Variants in RFTN1 observed in about 807,000 individuals in gnomAD.
RFTN1 encodes raftlin, lipid raft linker 1, also known as raftlin.
A neutral mutation model predicts 46.5 loss-of-function variants in RFTN1; 26 were observed. That is an observed-to-expected ratio of 0.56 (90% CI 0.41 to 0.78). The LOEUF (loss-of-function observed/expected upper bound fraction) is 0.78. Among genes scored for constraint, RFTN1 ranks in the 30% least tolerant of loss-of-function variants. RFTN1 has a pLI of 0.00. For missense variants in RFTN1, 693 were observed against 718.7 expected, an observed-to-expected ratio of 0.96 and a Z score of 0.41; for synonymous variants, 261 against 284.2, an observed-to-expected ratio of 0.92 and a Z score of 0.82.
intron 7 of RFTN1, among the ~76,000 whole-genome samples, chr3:16,354,275 G>T (rs1408409891): frequency 1.3e-5 from 2 of 152,206 alleles, no homozygotes; most frequent in South Asian, 2.1e-4. Context: ...TGCAGGAGGT[G>T]ACCTAAGAGC....
chr3:16,331,153 G>C (rs2070269004), intron 7 of RFTN1, among the ~76,000 whole-genome samples: 1 of 152,202 alleles, frequency 6.6e-6, no homozygotes. Flanking sequence ...ACAGGACTGA[G>C]ACCTTGCCTT....
At position 16,345,821 on chromosome 3, in the gene RFTN1, C is replaced by CCAAAACCTTATAATAAATCTCT. The variant is rs2071654037; in HGVS notation, c.1146+12110_1146+12111insAGAGATTTATTATAAGGTTTTG. ...GTGTGTGTGTGTGTGTGTGTGTGCG[C>CCAAAACCTTATAATAAATCTCT]GCGCGCGTGCGCGCACGCGCACATG... On this transcript the variant is annotated intron_variant, in intron 7 of 9. Coordinates refer to ENST00000334133, the MANE Select transcript of RFTN1 (RefSeq NM_015150.2). This position sits in a 1 kb window ranked among gnomAD's most constrained non-coding sequence, Gnocchi z 5.2. Among the ~76,000 whole-genome samples the CCAAAACCTTATAATAAATCTCT allele has an allele frequency of 1.2e-5, 1 of 86,072 alleles. No individual in the cohort carries two copies. The highest frequency in any genetic ancestry group is 2.5e-5 in the Non-Finnish European group (1 of 40,304). The allele number at this position is 86,072 out of a possible 152,430, so 56.5% of individuals were successfully genotyped here. A position where few individuals can be genotyped will look rare whatever the true frequency, so the allele number is the denominator to read the frequency against.
At position 16,327,543 on chromosome 3, in the gene RFTN1, T is replaced by C. The variant is rs2069831690; in HGVS notation, c.1147-667A>G. On this transcript the variant is annotated intron_variant, in intron 7 of 9. Transcript: ENST00000334133. This position sits in a 1 kb window ranked among gnomAD's most constrained non-coding sequence, Gnocchi z 4.2. ...GGGAGGCTGAGGCAGGTGGATCACA[T>C]GGTCAGGAGATCAAGACCATCCTGG... Among the ~76,000 whole-genome samples, 1 of 151,976 alleles carries C rather than the reference T, an allele frequency of 6.6e-6. No homozygotes were observed. Among genetic ancestry groups the C allele is most frequent in the Admixed American group, 6.5e-5 (1 of 15,268 alleles).
In RFTN1 at chr3:16,316,710, A is replaced by C; in HGVS notation, c.*118T>G. ...TCAGGTGAGCTCACAAGGAGAGGTC[A>C]AGCCAAGCCAAAGGGTAGGTAACAC... On this transcript the variant is annotated 3_prime_UTR_variant, in exon 10 of 10. Coordinates refer to ENST00000334133, the MANE Select transcript of RFTN1 (RefSeq NM_015150.2). This position sits in a 1 kb window ranked among gnomAD's most constrained non-coding sequence, Gnocchi z 4.5. 7.8e-7 allele frequency: 1 copy of C among 1,278,654 alleles called. No homozygotes were observed. Among genetic ancestry groups the C allele is most frequent in the Non-Finnish European group, 1.1e-6 (1 of 894,418 alleles). The allele number at this position is 1,278,654 out of a possible 1,614,324, so 79.2% of individuals were successfully genotyped here. A position where few individuals can be genotyped will look rare whatever the true frequency, so the allele number is the denominator to read the frequency against.
chr3:16,330,025 T>C (rs1235743976), intron 7 of RFTN1, among the ~76,000 whole-genome samples: 1 of 152,162 alleles, frequency 6.6e-6, no homozygotes, highest in East Asian at 1.9e-4. Flanking sequence ...GTCACTCTCT[T>C]AAAGAAAAAA....
chr3:16,468,413 G>T lies in RFTN1; in HGVS notation c.145+25312C>A, dbSNP rs1162368273. ...GACTGTCAAAAATGTCCCCACCCTG[G>T]GATCAGGCATCAGATCCTAACAACA... On this transcript the variant is annotated intron_variant, in intron 2 of 9. Coordinates refer to ENST00000334133, the MANE Select transcript of RFTN1 (RefSeq NM_015150.2). The surrounding 1 kb of genome is among the most constrained non-coding windows in gnomAD (Gnocchi z 4.4). 1.3e-5 allele frequency among the ~76,000 whole-genome samples: 2 copies of T among 152,086 alleles called. No individual in the cohort carries two copies. Among genetic ancestry groups the T allele is most frequent in the Non-Finnish European group, 2.9e-5 (2 of 68,022 alleles).
chr3:16,437,240 C>T (rs1311107469), intron 2 of RFTN1, among the ~76,000 whole-genome samples: 2 of 152,146 alleles, frequency 1.3e-5, no homozygotes, highest in South Asian at 4.1e-4. Context: ...GGGAAACAGG[C>T]ATGGCCCTCA....
At position 16,334,029 on chromosome 3, in the gene RFTN1, G is replaced by A. The variant is rs1196489092; in HGVS notation, c.1147-7153C>T. ...AAATTTAAAAAATTAGCCGGGCATG[G>A]TGGCGGGTGCCTGTAGTCCCAGCTA... is the stretch of plus-strand genomic sequence containing the variant. On this transcript the variant is annotated intron_variant, in intron 7 of 9. Transcript: ENST00000334133. This position sits in a 1 kb window ranked among gnomAD's most constrained non-coding sequence, Gnocchi z 4.3. 1.3e-5 allele frequency among the ~76,000 whole-genome samples: 2 copies of A among 152,172 alleles called. No homozygotes were observed. Among genetic ancestry groups the A allele is most frequent in the African/African-American group, 4.8e-5 (2 of 41,444 alleles).
In RFTN1 at chr3:16,342,211, C is replaced by T. The variant is rs1300514406; in HGVS notation, c.1147-15335G>A. ...AGCAGTCACTCCCCTTTCCCCCCACCCACCCCGAGGCAACCACGAGTCCAC... is the reference window on the plus strand; with the variant it reads ...AGCAGTCACTCCCCTTTCCCCCCACTCACCCCGAGGCAACCACGAGTCCAC... On this transcript the variant is annotated intron_variant, in intron 7 of 9. Transcript: ENST00000334133. The surrounding 1 kb of genome is among the most constrained non-coding windows in gnomAD (Gnocchi z 4.0). Among the ~76,000 whole-genome samples, 1 of 152,112 alleles carries T rather than the reference C, an allele frequency of 6.6e-6. No homozygotes were observed. The highest frequency in any genetic ancestry group is 1.5e-5 in the Non-Finnish European group (1 of 68,030).
chr3:16,359,589 T>G (rs1342762886), intron 6 of RFTN1, among the ~76,000 whole-genome samples: 1 of 152,152 alleles, frequency 6.6e-6, no homozygotes, highest in Non-Finnish European at 1.5e-5. Context: ...AAGGTGGCTG[T>G]CTGCAAGCCA....
In RFTN1 at chr3:16,425,135, A is replaced by G. The variant is rs1230287123; in HGVS notation, c.332+8716T>C. Among the ~76,000 whole-genome samples the G allele has an allele frequency of 6.6e-6, 1 of 152,228 alleles. No homozygotes were observed. The highest frequency in any genetic ancestry group is 1.5e-5 in the Non-Finnish European group (1 of 68,038). On this transcript the variant is annotated intron_variant, in intron 3 of 9. Transcript: ENST00000334133. This position sits in a 1 kb window ranked among gnomAD's most constrained non-coding sequence, Gnocchi z 4.3. ...CAACGCTTTAGTAAAATTATTTGCA[A>G]CTAAATTACCTACACTTATGCATAC...
Position 16,320,561 on chromosome 3 carries a change from T to A in RFTN1, c.1332+2815A>T, listed in dbSNP as rs541179260. On this transcript the variant is annotated intron_variant, in intron 9 of 9. Coordinates refer to ENST00000334133, the MANE Select transcript of RFTN1 (RefSeq NM_015150.2). This position sits in a 1 kb window ranked among gnomAD's most constrained non-coding sequence, Gnocchi z 4.5. ...CTGCCTGGGAAGGATAAAATAATGA[T>A]CACAAATAACTAAAAGCCCAAAGGA... 1.6e-4 allele frequency among the ~76,000 whole-genome samples: 25 copies of A among 152,300 alleles called. No individual in the cohort carries two copies. Among genetic ancestry groups the A allele is most frequent in the African/African-American group, 5.8e-4 (24 of 41,542 alleles).
rs917991303 is a variant in RFTN1 at position 16,498,061 on chromosome 3, G to T, written c.-8-4184C>A. Among the ~76,000 whole-genome samples the T allele has an allele frequency of 2.6e-5, 4 of 152,112 alleles. No homozygotes were observed. The South Asian group carries it at 6.2e-4, about 24-fold the overall frequency. ...CTTCTGCCCCAGCTCATCCCAAAGG[G>T]CATTGTGCTTGATATCACAGGACAT... On this transcript the variant is annotated intron_variant, in intron 1 of 9. Transcript: ENST00000334133. This position sits in a 1 kb window ranked among gnomAD's most constrained non-coding sequence, Gnocchi z 5.2.
chr3:16,347,857 C>T (rs372392701), intron 7 of RFTN1: 57 of 152,328 alleles, frequency 3.7e-4, no homozygotes, highest in African/African-American at 1.3e-3. Context: ...AGGTCAGGTT[C>T]CCTATAAGGA....
In RFTN1 at chr3:16,383,910, A is replaced by T. The variant is rs562812627; in HGVS notation, c.442-5808T>A. ...TCTAAGGAGGATGGTGTCACAGTTA[A>T]TTTTATGTCCACTTGACTGAACTAT... is the stretch of plus-strand genomic sequence containing the variant. On this transcript the variant is annotated intron_variant, in intron 4 of 9. Transcript: ENST00000334133. This position sits in a 1 kb window ranked among gnomAD's most constrained non-coding sequence, Gnocchi z 4.0. Among the ~76,000 whole-genome samples, 43 of 152,310 alleles carry T rather than the reference A, an allele frequency of 2.8e-4. 2 individuals are homozygous for T. In the South Asian group the frequency reaches 8.7e-3, roughly 31 times the overall value.
chr3:16,372,917 T>C (rs964949375), intron 5 of RFTN1, among the ~76,000 whole-genome samples: 3 of 152,216 alleles, frequency 2.0e-5, no homozygotes, highest in African/African-American at 7.2e-5. Flanking sequence ...GAAACCTGAT[T>C]GCACATGCAT....
intron 3 of RFTN1, among the ~76,000 whole-genome samples, chr3:16,419,735 A>G (rs1183291413): frequency 6.6e-6 from 1 of 152,216 alleles, no homozygotes; most frequent in Non-Finnish European, 1.5e-5. Context: ...GCAAATCTTT[A>G]AATAAAGCAC....
At chr3:16,358,078 G>T in intron 6 of RFTN1, 31 bp from the exon 7 acceptor site, 2 of 1,161,048 alleles carry the variant, frequency 1.7e-6, no homozygotes, top group Non-Finnish European at 2.6e-6. Context: ...GGGGGTGGGG[G>T]GGGTCTGTAA....
At chr3:16,323,630 G>A (rs757111349) in intron 8 of RFTN1, among the ~76,000 whole-genome samples, 173 bp from the exon 9 acceptor site, 6 of 152,304 alleles carry the variant, frequency 3.9e-5, no homozygotes, top group East Asian at 1.9e-4. Flanking sequence ...CCTTGCTTCC[G>A]AGGGGCTATC....
Sources: gnomAD v4.1 joint callset for allele counts (sites outside exome capture counted in the v4.1 genomes callset) on GRCh38, gnomAD v4.1.1 for gene constraint, Gnocchi (gnomAD v3.1) non-coding constraint, MANE v1.5 for transcripts, NCBI Gene and HGNC (gene_info 2026-07-23, HGNC 2026-07-21) for gene names.